PRDM11: variants seen among roughly 807,000 people sequenced by gnomAD.
The protein encoded by PRDM11 is PR/SET domain 11.
Under a neutral mutation model 97.8 loss-of-function variants are expected in PRDM11, and 20 were observed. The observed-to-expected ratio is 0.20, with a 90% CI of 0.14 to 0.30. The LOEUF (loss-of-function observed/expected upper bound fraction) is 0.30, where lower values mean the gene tolerates loss of function less well. PRDM11 is among the 10% of genes least tolerant of loss of function. The pLI is 1.00. For missense variants in PRDM11, 1,139 were observed against 1,555.2 expected, an observed-to-expected ratio of 0.73 and a Z score of 4.50; for synonymous variants, 599 against 637.7, an observed-to-expected ratio of 0.94 and a Z score of 0.91.
intron 1 of PRDM11, among the ~76,000 whole-genome samples, chr11:45,165,531 G>A (rs184936102): frequency 1.3e-5 from 2 of 152,316 alleles, no homozygotes; most frequent in African/African-American, 2.4e-5. Flanking sequence ...CAGCCCAGGC[G>A]GGGGGCACAT....
At chr11:45,152,601 C>T (rs1851686900) in intron 1 of PRDM11, among the ~76,000 whole-genome samples, 1 of 152,196 alleles carries the variant, frequency 6.6e-6, no homozygotes, top group Admixed American at 6.5e-5. Flanking sequence ...GCCTCAAATA[C>T]TTGTGGAATG....
chr11:45,224,482 A>C lies in PRDM11; in HGVS notation c.1008A>C (p.Lys336Asn), dbSNP rs1448668338. The change falls in exon 7 of 8, where the codon AAA becomes AAC. Residue 336 changes from lysine (K) to asparagine (N), a missense_variant. By Grantham distance (94) the Lys-to-Asn change is moderately conservative (BLOSUM62 0). Coordinates refer to ENST00000683152, the MANE Select transcript of PRDM11 (RefSeq NM_001384648.1). ...CACTGGTCATCAGGAAAGTCCCCAA[A>C]TACCAGGATGACGCCTACAGTCAGT... is the stretch of plus-strand genomic sequence containing the variant. ...STSLVIRKVPKYQDDAYSQCA... is the reference protein window; with the variant it reads ...STSLVIRKVPNYQDDAYSQCA... The C allele has an allele frequency of 4.3e-6, 7 of 1,614,176 alleles. No individual in the cohort carries two copies. The highest frequency in any genetic ancestry group is 5.9e-6 in the Non-Finnish European group (7 of 1,180,042).
Position 45,219,093 on chromosome 11 carries a change from A to G in PRDM11, c.555-477A>G, listed in dbSNP as rs148578555. Among the ~76,000 whole-genome samples, 39 of 152,256 alleles carry G rather than the reference A, an allele frequency of 2.6e-4. No individual in the cohort carries two copies. The highest frequency in any genetic ancestry group is 4.4e-4 in the Non-Finnish European group (30 of 68,016). ...TAGCATTTATTAATTGATCTCTTGG[A>G]CACCTTGTCACAGGGGCTATTTCAG... On this transcript the variant is annotated intron_variant, in intron 5 of 7. Coordinates refer to ENST00000683152, the MANE Select transcript of PRDM11 (RefSeq NM_001384648.1). The surrounding 1 kb of genome is among the most constrained non-coding windows in gnomAD (Gnocchi z 4.2).
intron 1 of PRDM11, among the ~76,000 whole-genome samples, chr11:45,161,724 T>A (rs1851933228): frequency 6.6e-6 from 1 of 152,212 alleles, no homozygotes; most frequent in African/African-American, 2.4e-5. Flanking sequence ...AGCTGATGAT[T>A]TATTTAGTGC....
At chr11:45,179,383 T>A (rs1852411651) in intron 1 of PRDM11, among the ~76,000 whole-genome samples, 1 of 152,232 alleles carries the variant, frequency 6.6e-6, no homozygotes, top group African/African-American at 2.4e-5. Context: ...ATGTCTGTGA[T>A]AGAATCTATT....
At chr11:45,180,927 C>T (rs983886317) in intron 1 of PRDM11, among the ~76,000 whole-genome samples, 4 of 152,108 alleles carry the variant, frequency 2.6e-5, no homozygotes, top group Admixed American at 6.5e-5. Flanking sequence ...CCCTCCCAGT[C>T]GCCGCCGCCG....
In PRDM11 at chr11:45,227,821, CAG is replaced by C; in HGVS notation, c.3199_3200del (p.Arg1067ValfsTer12). On this transcript the variant is annotated frameshift_variant, in exon 8 of 8. Transcript: ENST00000683152. LOFTEE classifies it high-confidence loss of function. This position sits in a 1 kb window ranked among gnomAD's most constrained non-coding sequence, Gnocchi z 8.0. ...DLISHICKYK[Q>X]RFPLLNKIIQ... ...GATCAGCCACATTTGCAAGTACAAA[CAG>C]AGGTTTCCACTCTTGAACAAGATCA... is the stretch of plus-strand genomic sequence containing the variant. 6.5e-7 allele frequency: 1 copy of C among 1,533,944 alleles called. No individual in the cohort carries two copies. Among genetic ancestry groups the C allele is most frequent in the Non-Finnish European group, 8.7e-7 (1 of 1,146,736 alleles).
At chr11:45,184,224 G>T (rs12271122) in intron 4 of PRDM11, among the ~76,000 whole-genome samples, 15,122 of 152,246 alleles carry the variant, frequency 0.099, 1,109 homozygotes, top group Admixed American at 0.24. Context: ...TGCCTGGAGT[G>T]CAGCACACAC....
chr11:45,145,768 G>T (rs1412873207), upstream of PRDM11, among the ~76,000 whole-genome samples: 1 of 152,176 alleles, frequency 6.6e-6, no homozygotes, highest in African/African-American at 2.4e-5. Context: ...AGTGTCCCTT[G>T]CCCTCCTCCA....
At chr11:45,117,113 A>G (rs914207893) in intron 1 of PRDM11, among the ~76,000 whole-genome samples, 10 of 151,698 alleles carry the variant, frequency 6.6e-5, no homozygotes, top group African/African-American at 2.4e-4. Context: ...AGTCCCAGCT[A>G]CTTGGGAGGC....
Position 45,227,931 on chromosome 11 carries a change from C to T in PRDM11, c.3306C>T (p.His1102=). 1 of 1,533,930 alleles carries T rather than the reference C, an allele frequency of 6.5e-7. No homozygotes were observed. Among genetic ancestry groups the T allele is most frequent in the Admixed American group, 2.0e-5 (1 of 50,994 alleles). Residue 1102 remains histidine (H), a synonymous_variant, in exon 8 of 8, where the codon CAC becomes CAT. Coordinates refer to ENST00000683152, the MANE Select transcript of PRDM11 (RefSeq NM_001384648.1). This position sits in a 1 kb window ranked among gnomAD's most constrained non-coding sequence, Gnocchi z 8.0. ...RNALQRVRKN[H]RSRLTLEQLS... ...CCCTCCAGCGAGTTCGCAAAAACCA[C>T]CGCTCCCGCCTGACCCTGGAGCAGC... is the stretch of plus-strand genomic sequence containing the variant.
chr11:45,144,366 C>G (rs961117081), upstream of PRDM11, among the ~76,000 whole-genome samples: 1 of 152,204 alleles, frequency 6.6e-6, no homozygotes, highest in Admixed American at 6.5e-5. Context: ...GAAGCGCTGA[C>G]TCCCCAGCCT....
intron 6 of PRDM11, among the ~76,000 whole-genome samples, chr11:45,220,788 T>C (rs531640552): frequency 2.0e-5 from 3 of 152,336 alleles, no homozygotes; most frequent in Admixed American, 1.3e-4. Context: ...GGGTTCGGTG[T>C]CCATCCAGAA....
At chr11:45,148,643 T>C (rs572395491) in intron 1 of PRDM11, among the ~76,000 whole-genome samples, 20 of 152,326 alleles carry the variant, frequency 1.3e-4, no homozygotes, top group South Asian at 1.0e-3. Context: ...TCTGCACTTA[T>C]GGACTCATTT....
At chr11:45,159,426 A>G (rs1554968204) in intron 1 of PRDM11, among the ~76,000 whole-genome samples, 1 of 152,162 alleles carries the variant, frequency 6.6e-6, no homozygotes, top group Non-Finnish European at 1.5e-5. Flanking sequence ...GTTCACAAAG[A>G]GGCTAAGTGG....
chr11:45,181,347 C>T (rs1229842868), intron 1 of PRDM11, among the ~76,000 whole-genome samples: 1 of 152,208 alleles, frequency 6.6e-6, no homozygotes, highest in Non-Finnish European at 1.5e-5. Flanking sequence ...AGGGCCCGTT[C>T]GGTCTGCCCA....
Position 45,227,707 on chromosome 11 carries a change from A to G in PRDM11, c.3082A>G (p.Arg1028Gly). Residue 1028 changes from arginine (R) to glycine (G), a missense_variant, in exon 8 of 8, where the codon AGG (arginine) becomes GGG (glycine). Arg to Gly is a moderately radical substitution (Grantham distance 125). Transcript: ENST00000683152. This position sits in a 1 kb window ranked among gnomAD's most constrained non-coding sequence, Gnocchi z 8.0. The part of the protein sequence containing the change: ...AIPTFSRDVC[R>G]EGLDPRGSLL... ...CCCGACCTTTTCCCGGGATGTCTGT[A>G]GGGAAGGGCTGGACCCCCGGGGTAG... 1 of 1,533,896 alleles carries G rather than the reference A, an allele frequency of 6.5e-7. No homozygotes were observed. The highest frequency in any genetic ancestry group is 1.2e-5 in the South Asian group (1 of 83,958).
chr11:45,203,016 T>C (rs1853384458), intron 4 of PRDM11, among the ~76,000 whole-genome samples: 1 of 152,148 alleles, frequency 6.6e-6, no homozygotes, highest in African/African-American at 2.4e-5. Context: ...ATGAGTTTTA[T>C]TGTAAGTGCA....
At chr11:45,199,592 G>A (rs916642642) in intron 4 of PRDM11, among the ~76,000 whole-genome samples, 2 of 152,186 alleles carry the variant, frequency 1.3e-5, no homozygotes, top group African/African-American at 4.8e-5. Context: ...CTTCTGGGCT[G>A]GTCCAAAGTG....
Sources: gnomAD v4.1 joint callset for allele counts (sites outside exome capture counted in the v4.1 genomes callset) on GRCh38, gnomAD v4.1.1 for gene constraint, Gnocchi (gnomAD v3.1) non-coding constraint, MANE v1.5 for transcripts, NCBI Gene and HGNC (gene_info 2026-07-23, HGNC 2026-07-21) for gene names.